Variants in TAOK1 observed in about 807,000 individuals in gnomAD.
The protein encoded by TAOK1 is serine/threonine-protein kinase TAO1.
TAOK1 carries 21 observed loss-of-function variants against 138.3 expected under a neutral mutation model. The ratio of observed to expected loss-of-function variants is 0.15; its 90% CI spans 0.11 to 0.22. The LOEUF is 0.22. Among genes scored for constraint, TAOK1 ranks in the 10% least tolerant of loss-of-function variants. The pLI, the probability that TAOK1 is intolerant of heterozygous loss-of-function variation, is 1.00. For synonymous variants in TAOK1, 361 were observed against 398.4 expected (o/e 0.91, Z 1.12); for missense variants, 651 against 1,227.7 (o/e 0.53, Z 7.02).
rs2032444474 is a variant in TAOK1 at position 29,548,787 on chromosome 17, G to A, written c.*5765G>A. The stretch of plus-strand genomic sequence containing the variant: ...TACTAAAGTTTATAGGTCTGTGCCA[G>A]CTAGAGAGAAGTTGCTGTCATTACC... On this transcript the variant is annotated 3_prime_UTR_variant, in exon 20 of 20. Coordinates refer to ENST00000261716, the MANE Select transcript of TAOK1 (RefSeq NM_020791.4). The A allele has an allele frequency of 6.6e-6, 1 of 152,102 alleles. No individual in the cohort carries two copies. The highest frequency in any genetic ancestry group is 6.6e-5 in the Admixed American group (1 of 15,260). The allele number at this position is 152,102 out of a possible 1,614,324, so 9.4% of individuals were successfully genotyped here. A position where few individuals can be genotyped will look rare whatever the true frequency, so the allele number is the denominator to read the frequency against.
intron 19 of TAOK1, among the ~76,000 whole-genome samples, chr17:29,535,897 TATAAG>T (rs1020418610): frequency 1.3e-5 from 2 of 152,004 alleles, no homozygotes; most frequent in Admixed American, 1.3e-4. Context: ...CTAAATAAGA[TATAAG>T]ATGTTACTAT....
intron 2 of TAOK1, among the ~76,000 whole-genome samples, chr17:29,464,303 G>A (rs978341714): frequency 6.6e-6 from 1 of 151,750 alleles, no homozygotes; most frequent in Non-Finnish European, 1.5e-5. Flanking sequence ...AATTAGCTGG[G>A]CGTGGTGGCG....
intron 1 of TAOK1, among the ~76,000 whole-genome samples, chr17:29,433,901 G>T (rs960987047): frequency 1.3e-5 from 2 of 152,100 alleles, no homozygotes; most frequent in African/African-American, 4.8e-5. Flanking sequence ...GGCCTGTTTT[G>T]GGGGAAACAG....
At chr17:29,444,125 A>AT (rs2030019721) in intron 1 of TAOK1, among the ~76,000 whole-genome samples, 1 of 151,412 alleles carries the variant, frequency 6.6e-6, no homozygotes, top group Non-Finnish European at 1.5e-5. Context: ...AAAAAAAAAA[A>AT]GGCCTGATCT....
chr17:29,410,541 C>T (rs1473417317), intron 1 of TAOK1, among the ~76,000 whole-genome samples: 1 of 151,828 alleles, frequency 6.6e-6, no homozygotes, highest in Non-Finnish European at 1.5e-5. Context: ...GCGCGAGCCA[C>T]CACAACTGGC....
At chr17:29,502,003 G>T (rs571975746) in intron 12 of TAOK1, among the ~76,000 whole-genome samples, 1 of 152,260 alleles carries the variant, frequency 6.6e-6, no homozygotes, top group South Asian at 2.1e-4. Flanking sequence ...GTTTACCACT[G>T]CACTCCAACC....
chr17:29,533,005 A>G (rs772541035), intron 18 of TAOK1, among the ~76,000 whole-genome samples: 67,543 of 68,548 alleles, frequency 0.99, 33,299 homozygotes, highest in East Asian at 0.99. Context: ...CCCACCTCCA[A>G]CCGGGCGGGG....
intron 1 of TAOK1, among the ~76,000 whole-genome samples, chr17:29,435,366 G>A (rs1055968576): frequency 2.0e-5 from 3 of 152,132 alleles, no homozygotes; most frequent in Non-Finnish European, 4.4e-5. Flanking sequence ...AATCATGATA[G>A]GACTGAGTGG....
intron 1 of TAOK1, among the ~76,000 whole-genome samples, chr17:29,434,078 A>G (rs1905946461): frequency 6.6e-6 from 1 of 152,192 alleles, no homozygotes; most frequent in South Asian, 2.1e-4. Context: ...CGGGGTAAGG[A>G]GAGCTGAAAA....
At chr17:29,399,733 G>GT (rs1354026377) in intron 1 of TAOK1, among the ~76,000 whole-genome samples, 2 of 151,812 alleles carry the variant, frequency 1.3e-5, no homozygotes, top group Non-Finnish European at 2.9e-5. Context: ...CTTAATGGGA[G>GT]TTTTTTTCTT....
At chr17:29,495,533 C>A in intron 10 of TAOK1, 27 bp from the exon 11 acceptor site, 3 of 1,509,450 alleles carry the variant, frequency 2.0e-6, no homozygotes, top group South Asian at 2.8e-5. Flanking sequence ...AAAAAAAAAT[C>A]AACCTTTTAC....
intron 1 of TAOK1, among the ~76,000 whole-genome samples, chr17:29,418,932 T>C (rs79845255): frequency 1.9e-4 from 1 of 5,312 alleles, no homozygotes; most frequent in Non-Finnish European, 9.6e-4. Context: ...GTGCTTTGCT[T>C]TTTTTTTTTT....
chr17:29,530,867 C>T (rs1247626024), intron 18 of TAOK1: 4 of 508,198 alleles, frequency 7.9e-6, no homozygotes, highest in African/African-American at 5.8e-5. Context: ...GATCCTAACA[C>T]CTTATTGAGA....
intron 1 of TAOK1, among the ~76,000 whole-genome samples, chr17:29,442,320 A>G (rs563919919): frequency 6.6e-6 from 1 of 151,546 alleles, no homozygotes; most frequent in Admixed American, 6.6e-5. Flanking sequence ...TGCTGGGATT[A>G]CAGACCTCAC....
intron 15 of TAOK1, chr17:29,513,729 G>A (rs564554858): frequency 4.8e-4 from 32 of 67,110 alleles, no homozygotes; most frequent in African/African-American, 9.8e-4. Flanking sequence ...AAATCACAAG[G>A]TCAGGAGTTT....
intron 3 of TAOK1, among the ~76,000 whole-genome samples, chr17:29,468,484 A>C (rs1241963236): frequency 1.3e-5 from 2 of 152,000 alleles, no homozygotes; most frequent in East Asian, 3.9e-4. Flanking sequence ...TATCTTGGAA[A>C]GATTATCAGT....
chr17:29,542,813 T>A lies in TAOK1; in HGVS notation c.2797T>A (p.Trp933Arg). Residue 933 changes from tryptophan (W) to arginine (R), a missense_variant, in exon 20 of 20, where the codon TGG (tryptophan) becomes AGG (arginine). This residue lies in a region of TAOK1 where 108 missense variants were observed against 120.3 expected (regional missense o/e 0.90). Coordinates refer to ENST00000261716, the MANE Select transcript of TAOK1 (RefSeq NM_020791.4). The part of the protein sequence containing the change: ...GHPMGGPPQA[W>R]GHPMQGGPQP... The stretch of plus-strand genomic sequence containing the variant: ...TCCCATGGGTGGCCCACCACAAGCT[T>A]GGGGCCATCCAATGCAAGGTGGACC... The A allele has an allele frequency of 1.2e-6, 2 of 1,614,050 alleles. No homozygotes were observed. The highest frequency in any genetic ancestry group is 1.7e-6 in the Non-Finnish European group (2 of 1,179,996).
intron 2 of TAOK1, among the ~76,000 whole-genome samples, chr17:29,454,205 A>G (rs1314461615): frequency 6.6e-6 from 1 of 152,070 alleles, no homozygotes; most frequent in Non-Finnish European, 1.5e-5. Context: ...TTGTCTTGGC[A>G]TCCTTGTCAA....
chr17:29,493,324 G>T (rs2031344243), intron 10 of TAOK1, among the ~76,000 whole-genome samples: 1 of 151,840 alleles, frequency 6.6e-6, no homozygotes, highest in Non-Finnish European at 1.5e-5. Flanking sequence ...GAGAAACCCT[G>T]TCTCTACTAA....
Sources: gnomAD v4.1 joint callset for allele counts (sites outside exome capture counted in the v4.1 genomes callset) on GRCh38, gnomAD v4.1.1 for gene constraint, gnomAD v4.1.1 regional missense constraint, MANE v1.5 for transcripts, NCBI Gene and HGNC (gene_info 2026-07-23, HGNC 2026-07-21) for gene names.